PPHLN1: variants seen among roughly 807,000 people sequenced by gnomAD.
The protein encoded by PPHLN1 is periphilin-1.
Under a neutral mutation model 51.3 loss-of-function variants are expected in PPHLN1, and 29 were observed. That is an observed-to-expected ratio of 0.57 (90% CI 0.42 to 0.77). The LOEUF is 0.77. PPHLN1 is among the 30% of genes least tolerant of loss of function. The pLI, the probability that PPHLN1 is intolerant of heterozygous loss-of-function variation, is 0.00. For synonymous variants in PPHLN1, 147 were observed against 147.8 expected, an observed-to-expected ratio of 0.99 and a Z score of 0.04; for missense variants, 436 against 438.4, an observed-to-expected ratio of 0.99 and a Z score of 0.05.
Position 42,441,989 on chromosome 12 carries a change from A to T in PPHLN1, c.*480A>T. 1.0e-6 allele frequency: 1 copy of T among 963,528 alleles called. No homozygotes were observed. 59.7% of individuals were successfully genotyped at this position (963,528 alleles called of 1,614,324 possible). A position where few individuals can be genotyped will look rare whatever the true frequency, so the allele number is the denominator to read the frequency against. The stretch of plus-strand genomic sequence containing the variant: ...TTTGCTTTGAGAGTAATTCTCATTC[A>T]ATGATAAAATAGAGCACTTAAATCT... On this transcript the variant is annotated 3_prime_UTR_variant, in exon 10 of 10. Coordinates refer to ENST00000358314, the MANE Select transcript of PPHLN1 (RefSeq NM_201439.2).
chr12:42,390,752 C>T (rs2077618295), intron 7 of PPHLN1, among the ~76,000 whole-genome samples: 2 of 150,354 alleles, frequency 1.3e-5, no homozygotes, highest in Admixed American at 6.6e-5. Flanking sequence ...TAACGTGGCC[C>T]AGGGAAGCCA....
intron 9 of PPHLN1, among the ~76,000 whole-genome samples, chr12:42,407,303 A>G (rs903740283): frequency 6.6e-6 from 1 of 152,222 alleles, no homozygotes; most frequent in African/African-American, 2.4e-5. Flanking sequence ...CTACAGGGTT[A>G]CAGACATGAC....
intron 1 of PPHLN1, among the ~76,000 whole-genome samples, chr12:42,332,887 TTCA>T (rs1428228007): frequency 4.6e-5 from 7 of 152,320 alleles, no homozygotes; most frequent in Non-Finnish European, 7.4e-5. Flanking sequence ...TTAATTTACA[TTCA>T]TCATTTTTAT....
chr12:42,382,020 CT>C (rs1253483163), intron 5 of PPHLN1, among the ~76,000 whole-genome samples: 1 of 152,028 alleles, frequency 6.6e-6, no homozygotes, highest in Admixed American at 6.6e-5. Flanking sequence ...CTGCAGTGTC[CT>C]TTTTTTCCTA....
chr12:42,376,615 CCT>C (rs1362265380), intron 5 of PPHLN1, among the ~76,000 whole-genome samples: 1 of 151,932 alleles, frequency 6.6e-6, no homozygotes, highest in Admixed American at 6.6e-5. Flanking sequence ...TAGTGAGACC[CCT>C]GTCTCTCAAA....
rs1055232104 is a variant in PPHLN1 at position 42,399,404 on chromosome 12, TAAAG to T, written c.909+411_909+414del. On this transcript the variant is annotated intron_variant, in intron 9 of 9. Transcript: ENST00000358314. Reference sequence around the variant, plus strand: ...TAGTTTCCAAATATTAAAGGAAAAATAAAGGATACTATTTAAGTCTAGTTTTTTA... The same window carrying T: ...TAGTTTCCAAATATTAAAGGAAAAATGATACTATTTAAGTCTAGTTTTTTA... The T allele has an allele frequency of 1.1e-5, 10 of 910,860 alleles. No individual in the cohort carries two copies. The African/African-American group carries it at 1.8e-4, about 16-fold the overall frequency. 56.4% of individuals were successfully genotyped at this position (910,860 alleles called of 1,614,324 possible). A position where few individuals can be genotyped will look rare whatever the true frequency, so the allele number is the denominator to read the frequency against.
chr12:42,418,684 T>G (rs2080698690), intron 9 of PPHLN1, among the ~76,000 whole-genome samples: 1 of 152,194 alleles, frequency 6.6e-6, no homozygotes, highest in East Asian at 1.9e-4. Flanking sequence ...TTCCCTAAAA[T>G]TTTTCTTTAT....
At chr12:42,443,776 C>A (rs1367024200), downstream of PPHLN1, 5 of 152,326 alleles carry the variant, frequency 3.3e-5, no homozygotes, top group East Asian at 5.8e-4. Context: ...AACAGGCTCC[C>A]TTCCCCCGCA....
intron 5 of PPHLN1, among the ~76,000 whole-genome samples, chr12:42,376,371 A>G (rs911774862): frequency 6.6e-6 from 1 of 152,238 alleles, no homozygotes; most frequent in African/African-American, 2.4e-5. Flanking sequence ...TCTTGAGTTT[A>G]GCAAACATTT....
At chr12:42,385,143 T>C (rs767436354) in intron 6 of PPHLN1, 147 bp downstream of exon 6, 9 of 834,436 alleles carry the variant, frequency 1.1e-5, no homozygotes, top group African/African-American at 1.0e-4. Flanking sequence ...GTACTAGGAT[T>C]TGGGGGGCAT....
In PPHLN1 at chr12:42,419,276, C is replaced by G. The variant is rs144822283; in HGVS notation, c.909+20282C>G. On this transcript the variant is annotated intron_variant, in intron 9 of 9. Coordinates refer to ENST00000358314, the MANE Select transcript of PPHLN1 (RefSeq NM_201439.2). ...TTTTTTCTTGAGATGGAGTCTCACTCTGTTGCCCAGGCTGGAGTGAAGTGG... is the reference window on the plus strand; with the variant it reads ...TTTTTTCTTGAGATGGAGTCTCACTGTGTTGCCCAGGCTGGAGTGAAGTGG... Among the ~76,000 whole-genome samples, 416 of 152,250 alleles carry G rather than the reference C, an allele frequency of 2.7e-3. 1 individual carries two copies. The highest frequency in any genetic ancestry group is 9.4e-3 in the African/African-American group (392 of 41,540).
chr12:42,382,831 A>C (rs549238162), intron 5 of PPHLN1, among the ~76,000 whole-genome samples: 4 of 152,346 alleles, frequency 2.6e-5, no homozygotes, highest in African/African-American at 9.6e-5. Context: ...TAAATCATTA[A>C]AGTGCTATAG....
chr12:42,370,922 T>TA (rs1452785349), intron 4 of PPHLN1, among the ~76,000 whole-genome samples: 1 of 151,894 alleles, frequency 6.6e-6, no homozygotes, highest in Non-Finnish European at 1.5e-5. Context: ...TCTCCTGACT[T>TA]AGCCTCCCGA....
intron 2 of PPHLN1, among the ~76,000 whole-genome samples, chr12:42,337,507 G>T (rs563593090): frequency 3.0e-4 from 46 of 152,048 alleles, no homozygotes; most frequent in Non-Finnish European, 4.7e-4. Context: ...TGTTGACCAG[G>T]CTGGTCTCGA....
chr12:42,409,807 A>G (rs557075716), intron 9 of PPHLN1, among the ~76,000 whole-genome samples: 1 of 152,074 alleles, frequency 6.6e-6, no homozygotes, highest in South Asian at 2.1e-4. Context: ...ACGATTATTT[A>G]TCTATTATGT....
chr12:42,374,736 G>A (rs1390307109), intron 4 of PPHLN1, 127 bp from the exon 5 acceptor site: 1 of 743,128 alleles, frequency 1.3e-6, no homozygotes, highest in East Asian at 2.8e-5. Flanking sequence ...TTACAGGCGT[G>A]AGTCACCGCA....
At chr12:42,352,852 G>C (rs1236930343) in intron 3 of PPHLN1, among the ~76,000 whole-genome samples, 1 of 152,032 alleles carries the variant, frequency 6.6e-6, no homozygotes, top group Non-Finnish European at 1.5e-5. Context: ...ACTTTGGGAG[G>C]CTTAGGTAGG....
intron 7 of PPHLN1, among the ~76,000 whole-genome samples, chr12:42,389,792 T>C (rs902547494): frequency 2.6e-5 from 4 of 152,096 alleles, no homozygotes; most frequent in Non-Finnish European, 4.4e-5. Flanking sequence ...TGTAGGCAGA[T>C]ACCTAACATG....
At chr12:42,330,308 G>A (rs560245934) in intron 1 of PPHLN1, among the ~76,000 whole-genome samples, 2 of 152,084 alleles carry the variant, frequency 1.3e-5, no homozygotes, top group Non-Finnish European at 2.9e-5. Flanking sequence ...TACCTCAACC[G>A]CAAGAGGCCT....
Sources: gnomAD v4.1 joint callset for allele counts (sites outside exome capture counted in the v4.1 genomes callset) on GRCh38, gnomAD v4.1.1 for gene constraint, MANE v1.5 for transcripts, NCBI Gene and HGNC (gene_info 2026-07-23, HGNC 2026-07-21) for gene names.